GALNT12: variants seen among roughly 807,000 people sequenced by gnomAD.
GALNT12 encodes the protein polypeptide N-acetylgalactosaminyltransferase 12.
GALNT12 carries 45 observed loss-of-function variants against 55.5 expected under a neutral mutation model. That is an observed-to-expected ratio of 0.81 (90% CI 0.64 to 1.04). The LOEUF is 1.04. Among genes scored for constraint, GALNT12 ranks in the 50% least tolerant of loss-of-function variants. The probability of loss-of-function intolerance (pLI) is 0.00; values close to 1 mark genes in which losing one functional copy is unlikely to be tolerated. For synonymous variants in GALNT12, 304 were observed against 312.2 expected (o/e 0.97, Z 0.28); for missense variants, 709 against 754.8 (o/e 0.94, Z 0.71).
intron 9 of GALNT12, 115 bp from the exon 10 acceptor site, chr9:98,848,837 C>G (rs1159110306): frequency 8.3e-7 from 1 of 1,211,968 alleles, no homozygotes; most frequent in East Asian, 2.5e-5. Context: ...AGACACTTAC[C>G]CCTCAATAAA....
At chr9:98,822,571 C>A (rs956778748) in intron 1 of GALNT12, among the ~76,000 whole-genome samples, 2 of 152,184 alleles carry the variant, frequency 1.3e-5, no homozygotes, top group East Asian at 1.9e-4. Flanking sequence ...GGGAGGTAAC[C>A]AATGTCCTCT....
At chr9:98,827,564 G>T (rs1835886903) in intron 3 of GALNT12, among the ~76,000 whole-genome samples, 2 of 152,078 alleles carry the variant, frequency 1.3e-5, no homozygotes, top group Admixed American at 6.5e-5. Flanking sequence ...AAATAGAATG[G>T]CACTCCTAAA....
chr9:98,826,603 G>A, intron 2 of GALNT12, 149 bp from the exon 3 acceptor site: 1 of 816,396 alleles, frequency 1.2e-6, no homozygotes, highest in Non-Finnish European at 2.0e-6. Flanking sequence ...TCTGGGTGAG[G>A]TAAGGATGTC....
chr9:98,829,269 G>A (rs1835939499), intron 3 of GALNT12, among the ~76,000 whole-genome samples: 1 of 151,534 alleles, frequency 6.6e-6, no homozygotes. Flanking sequence ...GCTCACTGCA[G>A]CCTCTGCCTC....
intron 8 of GALNT12, among the ~76,000 whole-genome samples, chr9:98,845,068 A>T (rs1312042589): frequency 6.6e-6 from 1 of 152,166 alleles, no homozygotes; most frequent in Non-Finnish European, 1.5e-5. Flanking sequence ...TCTTAATTCC[A>T]ACCCCTGCAA....
intron 5 of GALNT12, among the ~76,000 whole-genome samples, chr9:98,835,696 A>C (rs1229387344): frequency 6.6e-6 from 1 of 151,050 alleles, no homozygotes; most frequent in Non-Finnish European, 1.5e-5. Context: ...TGGCCTCTTT[A>C]TTTAGCACAG....
At chr9:98,830,571 C>G in intron 3 of GALNT12, among the ~76,000 whole-genome samples, 1 of 152,260 alleles carries the variant, frequency 6.6e-6, no homozygotes, top group East Asian at 1.9e-4. Context: ...AGCTTGATCA[C>G]AAGCCATCAG....
intron 2 of GALNT12, among the ~76,000 whole-genome samples, chr9:98,823,873 G>A (rs1474540349): frequency 6.6e-6 from 1 of 152,212 alleles, no homozygotes; most frequent in Admixed American, 6.5e-5. Context: ...CAAGGAGGGT[G>A]GAGGGGCCTC....
Position 98,849,012 on chromosome 9 carries a change from A to C in GALNT12, c.1666A>C (p.Ser556Arg). 1 of 1,614,162 alleles carries C rather than the reference A, an allele frequency of 6.2e-7. No individual in the cohort carries two copies. Among genetic ancestry groups the C allele is most frequent in the Non-Finnish European group, 8.5e-7 (1 of 1,179,990 alleles). The change falls in exon 10 of 10, where the codon AGT becomes CGT. Residue 556 changes from serine to arginine, a missense_variant. By Grantham distance (110) the Ser-to-Arg change is moderately radical. Around this residue, in one of 5 missense-constraint regions of GALNT12, gnomAD observed 262 missense variants for 310.7 expected, o/e 0.84. Transcript: ENST00000375011. ...TGTCCAGGCTGCGAGGAAGGAGTCG[A>C]GTGACAGTTTCGTTCCACTCTTACG... is the stretch of plus-strand genomic sequence containing the variant. Reference protein sequence around the residue: ...KCVQAARKESSDSFVPLLRDC... With the variant: ...KCVQAARKESRDSFVPLLRDC...
At chr9:98,840,255 C>T (rs1236800016) in intron 7 of GALNT12, 122 bp downstream of exon 7, 1 of 1,141,048 alleles carries the variant, frequency 8.8e-7, no homozygotes, top group Non-Finnish European at 1.3e-6. Context: ...CTCCCACCCG[C>T]CTGCCCACCC....
chr9:98,828,830 CT>C, intron 3 of GALNT12, among the ~76,000 whole-genome samples: 1 of 151,434 alleles, frequency 6.6e-6, no homozygotes, highest in Non-Finnish European at 1.5e-5. Context: ...CACTCATACT[CT>C]TTTTTTCTTT....
chr9:98,817,833 T>C lies in GALNT12; in HGVS notation c.372-5423T>C, dbSNP rs183658062. Reference sequence around the variant, plus strand: ...AGGGCATTTGTAAGGGCCACTAAAATTGAGCTACATAGCTATAGATCAGAA... The same window carrying C: ...AGGGCATTTGTAAGGGCCACTAAAACTGAGCTACATAGCTATAGATCAGAA... On this transcript the variant is annotated intron_variant, in intron 1 of 9. Coordinates refer to ENST00000375011, the MANE Select transcript of GALNT12 (RefSeq NM_024642.5). Among the ~76,000 whole-genome samples the C allele has an allele frequency of 3.9e-5, 6 of 152,288 alleles. No individual in the cohort carries two copies. The East Asian group carries it at 5.8e-4, about 15-fold the overall frequency.
intron 3 of GALNT12, among the ~76,000 whole-genome samples, chr9:98,830,188 T>C (rs1040062899): frequency 1.3e-5 from 2 of 152,212 alleles, no homozygotes; most frequent in East Asian, 3.8e-4. Context: ...GGCTTCTGCA[T>C]GTTTCAAAAG....
In GALNT12 at chr9:98,835,250, T is replaced by C. The variant is rs1313362587; in HGVS notation, c.919T>C (p.Ser307Pro). The change falls in exon 5 of 10, where the codon TCT becomes CCT. Residue 307 changes from serine to proline, a missense_variant and splice_region_variant. Transcript: ENST00000375011. ...AATAAGGATATCATACTTTTTTAGG[T>C]CTCCAACAATGGCTGGTGGGCTGTT... The part of the protein sequence containing the change: ...RMQSPVDVIR[S>P]PTMAGGLFAV... 7 of 1,604,860 alleles carry C rather than the reference T, an allele frequency of 4.4e-6. No homozygotes were observed. Among genetic ancestry groups the C allele is most frequent in the Non-Finnish European group, 6.0e-6 (7 of 1,171,484 alleles).
At chr9:98,811,782 A>AGG (rs1835502091) in intron 1 of GALNT12, among the ~76,000 whole-genome samples, 1 of 150,296 alleles carries the variant, frequency 6.7e-6, no homozygotes, top group Non-Finnish European at 1.5e-5. Context: ...TCCTGGGTTC[A>AGG]AGCCATTCTC....
intron 1 of GALNT12, among the ~76,000 whole-genome samples, chr9:98,821,481 C>T (rs778819137): frequency 2.2e-4 from 33 of 151,654 alleles, no homozygotes; most frequent in African/African-American, 6.5e-4. Context: ...CAAAATTAGC[C>T]GGGTGTGGTG....
chr9:98,831,885 G>A lies in GALNT12; in HGVS notation c.845G>A (p.Arg282Lys), dbSNP rs374578939. 3 of 1,614,080 alleles carry A rather than the reference G, an allele frequency of 1.9e-6. No individual in the cohort carries two copies. The highest frequency in any genetic ancestry group is 2.5e-6 in the Non-Finnish European group (3 of 1,180,050). ...GEPQIGGFDW[R>K]LVFTWHTVPE... ...CCCCAGATCGGCGGTTTCGACTGGA[G>A]GCTGGTGTTCACGTGGCACACAGTT... The change falls in exon 4 of 10, where the codon AGG (arginine) becomes AAG (lysine). Residue 282 changes from arginine (R) to lysine (K), a missense_variant. Around this residue, in one of 5 missense-constraint regions of GALNT12, gnomAD observed 315 missense variants for 288.6 expected, o/e 1.09. Coordinates refer to ENST00000375011, the MANE Select transcript of GALNT12 (RefSeq NM_024642.5).
chr9:98,829,426 T>C (rs1835942748), intron 3 of GALNT12, among the ~76,000 whole-genome samples: 1 of 152,068 alleles, frequency 6.6e-6, no homozygotes, highest in South Asian at 2.1e-4. Context: ...TGACCTCAAG[T>C]GATTTGCCCG....
intron 7 of GALNT12, 65 bp from the exon 8 acceptor site, chr9:98,844,031 C>G (rs1274720207): frequency 9.9e-6 from 11 of 1,114,310 alleles, no homozygotes; most frequent in Non-Finnish European, 1.5e-5. Flanking sequence ...CCTCCCCAAG[C>G]CTTGTGTGGC....
Sources: allele counts gnomAD v4.1 joint callset (sites outside exome capture counted in the v4.1 genomes callset), GRCh38; gene constraint gnomAD v4.1.1; regional missense constraint gnomAD v4.1.1; transcripts MANE v1.5; gene names NCBI Gene and HGNC (gene_info 2026-07-23, HGNC 2026-07-21).